SLC39A12: variants seen among roughly 807,000 people sequenced by gnomAD.
The protein encoded by SLC39A12 is solute carrier family 39 member 12.
Under a neutral mutation model 71.1 loss-of-function variants are expected in SLC39A12, and 63 were observed. The observed-to-expected ratio is 0.89, with a 90% CI of 0.72 to 1.09. SLC39A12 has a LOEUF of 1.09. Ranked by LOEUF, SLC39A12 falls within the 50% of genes least tolerant of loss-of-function variation. The probability of loss-of-function intolerance (pLI) is 0.00; values close to 1 mark genes in which losing one functional copy is unlikely to be tolerated. For synonymous variants in SLC39A12, 351 were observed against 301.3 expected, an observed-to-expected ratio of 1.16 and a Z score of -1.71; for missense variants, 892 against 812.6, an observed-to-expected ratio of 1.10 and a Z score of -1.19.
At chr10:18,036,190 A>T (rs558135513) in intron 12 of SLC39A12, among the ~76,000 whole-genome samples, 4 of 152,208 alleles carry the variant, frequency 2.6e-5, no homozygotes, top group Admixed American at 6.5e-5. Context: ...TTCCAGCTTC[A>T]GGGCTGCTTT....
intron 12 of SLC39A12, among the ~76,000 whole-genome samples, chr10:18,030,074 G>A: frequency 6.6e-6 from 1 of 150,610 alleles, no homozygotes; most frequent in Non-Finnish European, 1.5e-5. Flanking sequence ...AAAGAGCCAA[G>A]TATTGTCAGA....
At chr10:18,010,855 C>G (rs1836196477) in intron 12 of SLC39A12, among the ~76,000 whole-genome samples, 1 of 152,192 alleles carries the variant, frequency 6.6e-6, no homozygotes, top group Non-Finnish European at 1.5e-5. Flanking sequence ...CCTCTGCCAC[C>G]TCTGAGACAG....
intron 2 of SLC39A12, among the ~76,000 whole-genome samples, chr10:17,960,133 G>A (rs1268886413): frequency 2.0e-5 from 3 of 152,164 alleles, no homozygotes; most frequent in South Asian, 2.1e-4. Flanking sequence ...TAAATTGTGG[G>A]AAAGTGACTA....
At chr10:17,979,760 T>G (rs188940519) in intron 5 of SLC39A12, among the ~76,000 whole-genome samples, 1 of 152,328 alleles carries the variant, frequency 6.6e-6, no homozygotes, top group East Asian at 1.9e-4. Context: ...TTTGAACAGC[T>G]TTATTCCATC....
chr10:18,020,853 A>T (rs900544890), intron 12 of SLC39A12, among the ~76,000 whole-genome samples: 6 of 151,896 alleles, frequency 4.0e-5, no homozygotes, highest in Non-Finnish European at 7.4e-5. Flanking sequence ...TAAGTTTCTT[A>T]TAGATTTTGG....
rs995325004 is a variant in SLC39A12 at position 18,041,565 on chromosome 10, TACAC to T, written c.1948-1132_1948-1129del. ...ACACACACACACACACACGCACACA[TACAC>T]ACACACATACATACACACACCATAT... On this transcript the variant is annotated intron_variant, in intron 12 of 12. Coordinates refer to ENST00000377369, the MANE Select transcript of SLC39A12 (RefSeq NM_001145195.2). Among the ~76,000 whole-genome samples, 16 of 123,906 alleles carry T rather than the reference TACAC, an allele frequency of 1.3e-4. 2 individuals carry two copies. The highest frequency in any genetic ancestry group is 4.6e-3 in the Middle Eastern group (1 of 218). The allele number at this position is 123,906 out of a possible 152,430, so 81.3% of individuals were successfully genotyped here.
At chr10:17,960,420 T>A (rs1291502302) in intron 2 of SLC39A12, among the ~76,000 whole-genome samples, 7 of 152,300 alleles carry the variant, frequency 4.6e-5, no homozygotes, top group Non-Finnish European at 1.0e-4. Flanking sequence ...GTGGCATATT[T>A]TGGGGCAGTA....
chr10:17,967,138 T>G (rs549697748), intron 4 of SLC39A12, among the ~76,000 whole-genome samples: 23 of 152,312 alleles, frequency 1.5e-4, no homozygotes, highest in African/African-American at 5.5e-4. Context: ...TTGCAAGTTT[T>G]TTTTTGTTGA....
intron 5 of SLC39A12, among the ~76,000 whole-genome samples, chr10:17,979,505 G>C (rs796174378): frequency 6.6e-6 from 1 of 152,094 alleles, no homozygotes; most frequent in Non-Finnish European, 1.5e-5. Context: ...ATCATCAAAA[G>C]TTTGTTGCCA....
chr10:17,985,450 GTT>G (rs34451787), intron 6 of SLC39A12, among the ~76,000 whole-genome samples: 10 of 149,500 alleles, frequency 6.7e-5, no homozygotes, highest in Admixed American at 2.7e-4. Context: ...TAAGAGGATA[GTT>G]TTTTTTTTTC....
chr10:17,968,332 G>A (rs1032620923), intron 4 of SLC39A12, among the ~76,000 whole-genome samples: 5 of 152,146 alleles, frequency 3.3e-5, no homozygotes, highest in Middle Eastern at 3.4e-3. Context: ...AGAGGAGCCC[G>A]TAGTATTTTC....
intron 12 of SLC39A12, among the ~76,000 whole-genome samples, chr10:18,027,273 A>G (rs1564661674): frequency 6.6e-6 from 1 of 152,234 alleles, no homozygotes; most frequent in Non-Finnish European, 1.5e-5. Context: ...GTAAGACAGC[A>G]TGGCTAGAAA....
intron 7 of SLC39A12, among the ~76,000 whole-genome samples, chr10:17,988,841 C>T (rs1239412068): frequency 6.6e-6 from 1 of 152,196 alleles, no homozygotes; most frequent in African/African-American, 2.4e-5. Flanking sequence ...GGCCTTCCTC[C>T]CTTTTCCCTT....
intron 12 of SLC39A12, among the ~76,000 whole-genome samples, chr10:18,027,533 G>A (rs566537698): frequency 2.2e-3 from 337 of 152,334 alleles, no homozygotes; most frequent in Non-Finnish European, 3.9e-3. Flanking sequence ...GGCCTTTTAA[G>A]ATTGGGTCTT....
chr10:17,975,790 AC>A (rs1331765048), intron 4 of SLC39A12, among the ~76,000 whole-genome samples: 5 of 151,878 alleles, frequency 3.3e-5, no homozygotes, highest in South Asian at 2.1e-4. Context: ...GTTTATTAGC[AC>A]CCCAGAGCAC....
chr10:18,017,651 C>G (rs1836423555), intron 12 of SLC39A12, among the ~76,000 whole-genome samples: 2 of 152,136 alleles, frequency 1.3e-5, no homozygotes, highest in Admixed American at 6.5e-5. Context: ...GAGGCCATTG[C>G]TCCATTTTAT....
chr10:18,007,517 G>C (rs1309892404), intron 12 of SLC39A12, among the ~76,000 whole-genome samples: 2 of 152,132 alleles, frequency 1.3e-5, no homozygotes, highest in Non-Finnish European at 2.9e-5. Flanking sequence ...AATTCAGAGA[G>C]AGTCCACAGT....
intron 4 of SLC39A12, among the ~76,000 whole-genome samples, chr10:17,975,394 G>A (rs1440286697): frequency 6.6e-6 from 1 of 152,160 alleles, no homozygotes; most frequent in Non-Finnish European, 1.5e-5. Flanking sequence ...GACAAGTCCT[G>A]CCCGGACTGG....
chr10:17,971,697 C>G (rs2130794944), intron 4 of SLC39A12, among the ~76,000 whole-genome samples: 1 of 151,934 alleles, frequency 6.6e-6, no homozygotes, highest in African/African-American at 2.4e-5. Flanking sequence ...TTTTTCATTT[C>G]TGATTTTATT....
Sources: gnomAD v4.1 joint callset for allele counts (sites outside exome capture counted in the v4.1 genomes callset) on GRCh38, gnomAD v4.1.1 for gene constraint, MANE v1.5 for transcripts, NCBI Gene and HGNC (gene_info 2026-07-23, HGNC 2026-07-21) for gene names.